MAP3K4: variants seen among roughly 807,000 people sequenced by gnomAD.
MAP3K4 encodes MAP three kinase 1.
In MAP3K4, 67 loss-of-function variants were observed where a neutral mutation model predicts 185.6. The ratio of observed to expected loss-of-function variants is 0.36; its 90% CI spans 0.30 to 0.44. The LOEUF (loss-of-function observed/expected upper bound fraction) is 0.44. Among genes scored for constraint, MAP3K4 ranks in the 20% least tolerant of loss-of-function variants. The pLI is 1.00. For missense variants in MAP3K4, 1,551 were observed against 1,995.1 expected (o/e 0.78, Z 4.24); for synonymous variants, 702 against 710.4 (o/e 0.99, Z 0.19).
rs1785162179 is a variant in MAP3K4 at position 161,076,050 on chromosome 6, G to A, written c.2097+2438G>A. Reference sequence around the variant, plus strand: ...ATGGAAAAATTCCTTCTTCAGAGAAGGAGGAAATTGGCCACAATATCCTTT... The same window carrying A: ...ATGGAAAAATTCCTTCTTCAGAGAAAGAGGAAATTGGCCACAATATCCTTT... On this transcript the variant is annotated intron_variant, in intron 5 of 26. Transcript: ENST00000392142. The surrounding 1 kb of genome is among the most constrained non-coding windows in gnomAD (Gnocchi z 4.2). Among the ~76,000 whole-genome samples, 1 of 152,076 alleles carries A rather than the reference G, an allele frequency of 6.6e-6. No homozygotes were observed. The highest frequency in any genetic ancestry group is 1.5e-5 in the Non-Finnish European group (1 of 68,002).
intron 6 of MAP3K4, 110 bp downstream of exon 6, chr6:161,081,148 A>G (rs1284736728): frequency 8.3e-7 from 1 of 1,209,800 alleles, no homozygotes; most frequent in South Asian, 1.6e-5. Flanking sequence ...TGAAAATTGC[A>G]GTTATCCATA....
chr6:161,001,398 T>C (rs183489457), intron 1 of MAP3K4, among the ~76,000 whole-genome samples: 1 of 152,124 alleles, frequency 6.6e-6, no homozygotes, highest in Non-Finnish European at 1.5e-5. Context: ...AGTTTCACTT[T>C]AGGTCTTAAG....
In MAP3K4 at chr6:161,076,407, T is replaced by G. The variant is rs546376414; in HGVS notation, c.2097+2795T>G. On this transcript the variant is annotated intron_variant, in intron 5 of 26. Coordinates refer to ENST00000392142, the MANE Select transcript of MAP3K4 (RefSeq NM_005922.4). This position sits in a 1 kb window ranked among gnomAD's most constrained non-coding sequence, Gnocchi z 4.2. ...GATTAGCAAGTTATGATGCAGAAAT[T>G]CTGTGACCTTGGGGGCTTTACTCTG... Among the ~76,000 whole-genome samples, 3 of 152,282 alleles carry G rather than the reference T, an allele frequency of 2.0e-5. No individual in the cohort carries two copies. The highest frequency in any genetic ancestry group is 7.2e-5 in the African/African-American group (3 of 41,556).
chr6:161,072,767 G>C (rs1402226632), intron 4 of MAP3K4, among the ~76,000 whole-genome samples: 1 of 152,142 alleles, frequency 6.6e-6, no homozygotes, highest in Non-Finnish European at 1.5e-5. Context: ...ATTAGAATTT[G>C]CGTACATTGT....
intron 15 of MAP3K4, among the ~76,000 whole-genome samples, chr6:161,095,670 C>T (rs901270773): frequency 2.0e-5 from 3 of 152,184 alleles, no homozygotes; most frequent in South Asian, 2.1e-4. Flanking sequence ...TTTTCATTGG[C>T]CACACTGTGG....
Position 161,093,782 on chromosome 6 carries a change from G to A in MAP3K4, c.3358G>A (p.Ala1120Thr), listed in dbSNP as rs984809757. The change falls in exon 15 of 27, where the codon GCC (alanine) becomes ACC (threonine). Residue 1120 changes from alanine (A) to threonine (T), a missense_variant. Coordinates refer to ENST00000392142, the MANE Select transcript of MAP3K4 (RefSeq NM_005922.4). The surrounding 1 kb of genome is among the most constrained non-coding windows in gnomAD (Gnocchi z 5.2). ...TTCTTTTGGTTTCTAGAGTTTACAA[G>A]CCTTGATGAATGAATGCATTGGCCA... ...LPEDDFLSLQ[A>T]LMNECIGHVI... 1.2e-6 allele frequency: 2 copies of A among 1,611,092 alleles called. No individual in the cohort carries two copies. The highest frequency in any genetic ancestry group is 1.3e-5 in the African/African-American group (1 of 74,740).
Position 161,116,306 on chromosome 6 carries a change from G to A in MAP3K4, c.4807-544G>A, listed in dbSNP as rs2114929696. Among the ~76,000 whole-genome samples the A allele has an allele frequency of 6.6e-6, 1 of 152,182 alleles. No individual in the cohort carries two copies. Among genetic ancestry groups the A allele is most frequent in the South Asian group, 2.1e-4 (1 of 4,828 alleles). On this transcript the variant is annotated intron_variant, in intron 26 of 26. Coordinates refer to ENST00000392142, the MANE Select transcript of MAP3K4 (RefSeq NM_005922.4). The surrounding 1 kb of genome is among the most constrained non-coding windows in gnomAD (Gnocchi z 6.2). ...TTCACATGGGCATTTGGATACCTGG[G>A]GCTGGCACTCAAGAGGGATTTTGGG...
At chr6:161,023,506 C>T (rs558364191) in intron 1 of MAP3K4, among the ~76,000 whole-genome samples, 9 of 152,242 alleles carry the variant, frequency 5.9e-5, no homozygotes, top group South Asian at 2.1e-4. Context: ...CAGAATTTGC[C>T]GTTAAAATAG....
In MAP3K4 at chr6:161,108,973, C is replaced by T. The variant is rs527303127; in HGVS notation, c.4236+114C>T. The T allele has an allele frequency of 1.7e-5, 27 of 1,608,782 alleles. No homozygotes were observed. The highest frequency in any genetic ancestry group is 2.2e-5 in the Non-Finnish European group (26 of 1,178,938). On this transcript the variant is annotated intron_variant, in intron 22 of 26. Transcript: ENST00000392142. The surrounding 1 kb of genome is among the most constrained non-coding windows in gnomAD (Gnocchi z 5.7). ...CAGAGCACAGTAACTTTGCCTAATT[C>T]TCAGGAAATCTCCATGAGTTACATC...
intron 1 of MAP3K4, among the ~76,000 whole-genome samples, chr6:161,027,666 TA>T (rs1459734134): frequency 5.9e-5 from 9 of 152,132 alleles, no homozygotes; most frequent in South Asian, 2.1e-4. Context: ...TAGCCCTCAT[TA>T]AAGTAGTGGT....
Position 161,116,757 on chromosome 6 carries a change from G to T in MAP3K4, c.4807-93G>T. On this transcript the variant is annotated intron_variant, in intron 26 of 26. Transcript: ENST00000392142. The surrounding 1 kb of genome is among the most constrained non-coding windows in gnomAD (Gnocchi z 6.2). ...CAGTGCTGGGAGCATCAGGATGAGT[G>T]GATGGGGCCTTCCCCGTAAGACTCA... The T allele has an allele frequency of 9.2e-7, 1 of 1,089,274 alleles. No homozygotes were observed. 67.5% of individuals were successfully genotyped at this position (1,089,274 alleles called of 1,614,324 possible). A position where few individuals can be genotyped will look rare whatever the true frequency, so the allele number is the denominator to read the frequency against.
At position 161,101,673 on chromosome 6, in the gene MAP3K4, G is replaced by A; in HGVS notation, c.3675-219G>A. On this transcript the variant is annotated intron_variant, in intron 17 of 26. Transcript: ENST00000392142. The surrounding 1 kb of genome is among the most constrained non-coding windows in gnomAD (Gnocchi z 5.1). ...TCTCCACAGCAGCGCTGTTCACTTA[G>A]GGGGCTGATTCTGGTGGGTCTGTCC... is the stretch of plus-strand genomic sequence containing the variant. 2.1e-6 allele frequency: 1 copy of A among 481,724 alleles called. No homozygotes were observed. The highest frequency in any genetic ancestry group is 3.7e-5 in the East Asian group (1 of 27,354). The allele number at this position is 481,724 out of a possible 1,614,324, so 29.8% of individuals were successfully genotyped here.
chr6:161,058,446 C>A (rs1784338194), intron 3 of MAP3K4, among the ~76,000 whole-genome samples: 1 of 152,042 alleles, frequency 6.6e-6, no homozygotes, highest in African/African-American at 2.4e-5. Context: ...GTGATAGGAT[C>A]CCAGTATAGA....
rs1474548452 is a variant in MAP3K4 at position 161,053,588 on chromosome 6, TTTTG to T, written c.1707+3625_1707+3628del. On this transcript the variant is annotated intron_variant, in intron 3 of 26. Transcript: ENST00000392142. The surrounding 1 kb of genome is among the most constrained non-coding windows in gnomAD (Gnocchi z 4.2). ...TAAAACCTTTTAGGTTTGAGGACTTTTTTGTTTGTTTGTTTGTTTTTGAGACAAA... is the reference window on the plus strand; with the variant it reads ...TAAAACCTTTTAGGTTTGAGGACTTTTTTGTTTGTTTGTTTTTGAGACAAA... 8.5e-5 allele frequency among the ~76,000 whole-genome samples: 13 copies of T among 152,312 alleles called. No individual in the cohort carries two copies. Among genetic ancestry groups the T allele is most frequent in the East Asian group, 7.7e-4 (4 of 5,190 alleles).
chr6:161,116,711 C>T lies in MAP3K4; in HGVS notation c.4807-139C>T, dbSNP rs760007489. 1.0e-5 allele frequency: 7 copies of T among 681,262 alleles called. No homozygotes were observed. The highest frequency in any genetic ancestry group is 2.4e-5 in the Admixed American group (1 of 40,944). The allele number at this position is 681,262 out of a possible 1,614,324, so 42.2% of individuals were successfully genotyped here. A position where few individuals can be genotyped will look rare whatever the true frequency, so the allele number is the denominator to read the frequency against. On this transcript the variant is annotated intron_variant, in intron 26 of 26. Coordinates refer to ENST00000392142, the MANE Select transcript of MAP3K4 (RefSeq NM_005922.4). This position sits in a 1 kb window ranked among gnomAD's most constrained non-coding sequence, Gnocchi z 6.2. ...GCCATTGTTCATTACATTTCTTAAG[C>T]CTTGCCCTCTGTGCCCAGTACAGTG...
Position 161,108,488 on chromosome 6 carries a change from C to A in MAP3K4, c.4120-255C>A, listed in dbSNP as rs1325702640. ...TCTTGCACTTGCCGTGGAGCCGCGT[C>A]CTCCTCCACATGGCGCTCCTCACTC... On this transcript the variant is annotated intron_variant, in intron 21 of 26. Coordinates refer to ENST00000392142, the MANE Select transcript of MAP3K4 (RefSeq NM_005922.4). The surrounding 1 kb of genome is among the most constrained non-coding windows in gnomAD (Gnocchi z 5.7). 6.6e-6 allele frequency among the ~76,000 whole-genome samples: 1 copy of A among 152,100 alleles called. No individual in the cohort carries two copies. The highest frequency in any genetic ancestry group is 1.5e-5 in the Non-Finnish European group (1 of 68,032).
chr6:161,082,261 C>G lies in MAP3K4; in HGVS notation c.2255+1223C>G, dbSNP rs190449115. On this transcript the variant is annotated intron_variant, in intron 6 of 26. Coordinates refer to ENST00000392142, the MANE Select transcript of MAP3K4 (RefSeq NM_005922.4). This position sits in a 1 kb window ranked among gnomAD's most constrained non-coding sequence, Gnocchi z 4.2. ...ATTGTCATTTGCAACATGTCTCCCC[C>G]CTTACTTTTCCATGATTCTGCTTTG... Among the ~76,000 whole-genome samples, 28 of 152,094 alleles carry G rather than the reference C, an allele frequency of 1.8e-4. No individual in the cohort carries two copies. Among genetic ancestry groups the G allele is most frequent in the African/African-American group, 5.8e-4 (24 of 41,506 alleles).
chr6:161,027,698 G>A (rs180940576), intron 1 of MAP3K4, among the ~76,000 whole-genome samples: 1 of 152,298 alleles, frequency 6.6e-6, no homozygotes, highest in Non-Finnish European at 1.5e-5. Context: ...CCACTCATGG[G>A]TTTAAAGCAA....
Position 161,007,112 on chromosome 6 carries a change from C to T in MAP3K4, c.152+15029C>T, listed in dbSNP as rs144151593. On this transcript the variant is annotated intron_variant, in intron 1 of 26. Coordinates refer to ENST00000392142, the MANE Select transcript of MAP3K4 (RefSeq NM_005922.4). The surrounding 1 kb of genome is among the most constrained non-coding windows in gnomAD (Gnocchi z 4.5). ...AAAGCGCAGGACCAGGAATTGTACT[C>T]ATTGTTGTGTCCCCAGGTCACAGAC... is the stretch of plus-strand genomic sequence containing the variant. Among the ~76,000 whole-genome samples the T allele has an allele frequency of 6.6e-6, 1 of 152,310 alleles. No individual in the cohort carries two copies. Among genetic ancestry groups the T allele is most frequent in the Non-Finnish European group, 1.5e-5 (1 of 68,022 alleles).
Sources: gnomAD v4.1 joint callset for allele counts (sites outside exome capture counted in the v4.1 genomes callset) on GRCh38, gnomAD v4.1.1 for gene constraint, Gnocchi (gnomAD v3.1) non-coding constraint, MANE v1.5 for transcripts, NCBI Gene and HGNC (gene_info 2026-07-23, HGNC 2026-07-21) for gene names.